Variants in ERC2 observed in about 807,000 individuals in gnomAD.
ERC2 encodes the protein ERC protein 2.
A neutral mutation model predicts 114.8 loss-of-function variants in ERC2; 42 were observed. The observed-to-expected ratio is 0.37, with a 90% CI of 0.29 to 0.47. ERC2 has a LOEUF of 0.47. Ranked by LOEUF, ERC2 falls within the 20% of genes least tolerant of loss-of-function variation. The pLI, the probability that ERC2 is intolerant of heterozygous loss-of-function variation, is 0.99. For synonymous variants in ERC2, 454 were observed against 425.5 expected, an observed-to-expected ratio of 1.07 and a Z score of -0.82; for missense variants, 939 against 1,150.7, an observed-to-expected ratio of 0.82 and a Z score of 2.66.
At chr3:56,117,943 T>C (rs2079340545) in intron 6 of ERC2, among the ~76,000 whole-genome samples, 1 of 152,128 alleles carries the variant, frequency 6.6e-6, no homozygotes, top group Non-Finnish European at 1.5e-5. Flanking sequence ...AATTGACTAT[T>C]CTGAGCAGAG....
intron 17 of ERC2, among the ~76,000 whole-genome samples, chr3:55,519,964 A>T (rs1342740258): frequency 6.6e-6 from 1 of 151,488 alleles, no homozygotes; most frequent in Non-Finnish European, 1.5e-5. Context: ...CTAAGGTGGG[A>T]GGATTGATTG....
intron 14 of ERC2, among the ~76,000 whole-genome samples, chr3:55,767,766 A>G (rs1213800302): frequency 1.3e-5 from 2 of 152,220 alleles, no homozygotes; most frequent in African/African-American, 2.4e-5. Context: ...GTAGACATGA[A>G]AAATGAAGTG....
At chr3:56,465,507 A>T (rs896961785) in intron 1 of ERC2, among the ~76,000 whole-genome samples, 1 of 152,264 alleles carries the variant, frequency 6.6e-6, no homozygotes, top group African/African-American at 2.4e-5. Context: ...TGTAAATAAC[A>T]AAGAAAATAA....
At chr3:56,444,850 T>C (rs993838869) in intron 1 of ERC2, among the ~76,000 whole-genome samples, 2 of 152,248 alleles carry the variant, frequency 1.3e-5, no homozygotes, top group Admixed American at 1.3e-4. Flanking sequence ...TATCCTTTTT[T>C]TTCTAATCAG....
intron 7 of ERC2, among the ~76,000 whole-genome samples, chr3:56,044,100 T>A (rs1047679993): frequency 6.6e-6 from 1 of 152,268 alleles, no homozygotes; most frequent in Non-Finnish European, 1.5e-5. Flanking sequence ...TTCATTATCT[T>A]AAGTTAAAAC....
At chr3:55,717,301 G>A (rs815411) in intron 15 of ERC2, among the ~76,000 whole-genome samples, 88,924 of 151,974 alleles carry the variant, frequency 0.59, 26,358 homozygotes, top group South Asian at 0.71. Context: ...TTCTTTACCT[G>A]TCAGTCTATG....
chr3:56,307,154 A>C (rs2056277635), intron 2 of ERC2, among the ~76,000 whole-genome samples: 2 of 152,208 alleles, frequency 1.3e-5, no homozygotes, highest in African/African-American at 4.8e-5. Context: ...ATAGTCTCAT[A>C]ATCATGATGT....
chr3:55,509,762 A>G lies in ERC2; in HGVS notation c.*1554T>C, dbSNP rs2051962597. The G allele has an allele frequency of 6.6e-6, 1 of 152,650 alleles. No homozygotes were observed. The highest frequency in any genetic ancestry group is 2.4e-5 in the African/African-American group (1 of 41,448). 9.5% of individuals were successfully genotyped at this position (152,650 alleles called of 1,614,324 possible). On this transcript the variant is annotated 3_prime_UTR_variant, in exon 18 of 18. Transcript: ENST00000288221. ...TGCACCAACATTTTAAAAAGTAATA[A>G]TAATGACTAAATTCAATGCAAGACT... is the stretch of plus-strand genomic sequence containing the variant.
intron 17 of ERC2, among the ~76,000 whole-genome samples, chr3:55,581,962 C>T (rs2057284035): frequency 6.6e-6 from 1 of 152,090 alleles, no homozygotes; most frequent in Non-Finnish European, 1.5e-5. Context: ...CATGCTGTCC[C>T]CTCCCCACAT....
At chr3:55,683,485 C>G (rs1171343095) in intron 17 of ERC2, among the ~76,000 whole-genome samples, 1 of 152,120 alleles carries the variant, frequency 6.6e-6, no homozygotes, top group Admixed American at 6.5e-5. Flanking sequence ...CACAATCATG[C>G]CTTAAAAAGT....
At position 55,583,592 on chromosome 3, in the gene ERC2, CCT is replaced by C. The variant is rs1314741008; in HGVS notation, c.*40-72318_*40-72317del. 4.5e-4 allele frequency among the ~76,000 whole-genome samples: 61 copies of C among 136,188 alleles called. 1 individual carries two copies. The highest frequency in any genetic ancestry group is 3.7e-3 in the Middle Eastern group (1 of 268). The allele number at this position is 136,188 out of a possible 152,430, so 89.3% of individuals were successfully genotyped here. A position where few individuals can be genotyped will look rare whatever the true frequency, so the allele number is the denominator to read the frequency against. On this transcript the variant is annotated intron_variant, in intron 17 of 17. Coordinates refer to ENST00000288221, the MANE Select transcript of ERC2 (RefSeq NM_015576.3). ...TCCTTCCTTCCTTCCTTCCTTCCTT[CCT>C]AGAAAGGCAAGGATGCACTGGACGG...
At chr3:56,274,027 G>T (rs1284324971) in intron 3 of ERC2, among the ~76,000 whole-genome samples, 2 of 152,174 alleles carry the variant, frequency 1.3e-5, no homozygotes, top group Non-Finnish European at 2.9e-5. Flanking sequence ...ATGAGGAATT[G>T]GTTACAGCAG....
intron 3 of ERC2, among the ~76,000 whole-genome samples, chr3:56,255,301 A>C (rs2150244236): frequency 6.6e-6 from 1 of 152,192 alleles, no homozygotes; most frequent in African/African-American, 2.4e-5. Context: ...TGTAACCCCC[A>C]CCACGGACTC....
chr3:56,100,575 T>C (rs539985714), intron 6 of ERC2, among the ~76,000 whole-genome samples: 37 of 152,394 alleles, frequency 2.4e-4, no homozygotes, highest in African/African-American at 8.2e-4. Flanking sequence ...ATTTTGATTG[T>C]TAACAATTCT....
intron 3 of ERC2, among the ~76,000 whole-genome samples, chr3:56,252,757 C>CAA (rs71099628): frequency 4.0e-5 from 3 of 74,176 alleles, no homozygotes; most frequent in African/African-American, 1.7e-4. Context: ...AACTCTGTCT[C>CAA]AAAAAAAAAA....
At chr3:55,747,153 AG>A (rs1390171607) in intron 14 of ERC2, among the ~76,000 whole-genome samples, 1 of 152,238 alleles carries the variant, frequency 6.6e-6, no homozygotes, top group East Asian at 1.9e-4. Flanking sequence ...AGGGGGAGCT[AG>A]GACATTTCAT....
At chr3:55,962,368 C>T (rs1398669316) in intron 12 of ERC2, among the ~76,000 whole-genome samples, 2 of 152,200 alleles carry the variant, frequency 1.3e-5, no homozygotes, top group Non-Finnish European at 2.9e-5. Context: ...CTTAACTTTG[C>T]CTCTACTTTC....
At chr3:56,438,542 A>C (rs937290583) in intron 1 of ERC2, among the ~76,000 whole-genome samples, 2 of 151,202 alleles carry the variant, frequency 1.3e-5, no homozygotes, top group Non-Finnish European at 3.0e-5. Context: ...TGGTAACATA[A>C]TAATGATATA....
At chr3:55,628,069 T>A (rs2059592066) in intron 17 of ERC2, among the ~76,000 whole-genome samples, 2 of 152,192 alleles carry the variant, frequency 1.3e-5, no homozygotes, top group Admixed American at 1.3e-4. Flanking sequence ...ACTCATAATA[T>A]CTTTTATTGT....
Sources: allele counts gnomAD v4.1 joint callset (sites outside exome capture counted in the v4.1 genomes callset), GRCh38; gene constraint gnomAD v4.1.1; transcripts MANE v1.5; gene names NCBI Gene and HGNC (gene_info 2026-07-23, HGNC 2026-07-21).